The following PAN3 variants were observed in gnomAD, a reference collection of about 807,000 sequenced individuals.
The protein encoded by PAN3 is poly(A) specific ribonuclease subunit PAN3.
Under a neutral mutation model 96.2 loss-of-function variants are expected in PAN3, and 19 were observed. The ratio of observed to expected loss-of-function variants is 0.20; its 90% CI spans 0.14 to 0.29. The LOEUF (loss-of-function observed/expected upper bound fraction) is 0.29, where lower values mean the gene tolerates loss of function less well. Ranked by LOEUF, PAN3 falls within the 10% of genes least tolerant of loss-of-function variation. The pLI is 1.00. For missense variants in PAN3, 882 were observed against 1,108.1 expected, an observed-to-expected ratio of 0.80 and a Z score of 2.90; for synonymous variants, 433 against 406.6, an observed-to-expected ratio of 1.06 and a Z score of -0.78.
intron 5 of PAN3, chr13:28,214,409 C>A: frequency 5.1e-6 from 1 of 195,840 alleles, no homozygotes; most frequent in Non-Finnish European, 1.0e-5. Context: ...TTGATAGGTG[C>A]AGTGAAGTGG....
chr13:28,220,248 A>G lies in PAN3; in HGVS notation c.870A>G (p.Ala290=). Residue 290 remains alanine, a synonymous_variant, in exon 6 of 19, where the codon GCA becomes GCG. Coordinates refer to ENST00000380958, the MANE Select transcript of PAN3 (RefSeq NM_175854.8). ...TTAAATAGACACCAAATCCTACTGC[A>G]AGCGAGTTTATTCCTAAAGGAGGAT... ...ENNLQTPNPT[A]SEFIPKGGST... The G allele has an allele frequency of 6.2e-7, 1 of 1,613,114 alleles. No homozygotes were observed. Among genetic ancestry groups the G allele is most frequent in the Non-Finnish European group, 8.5e-7 (1 of 1,179,430 alleles).
At chr13:28,153,852 A>G (rs1034339276) in intron 1 of PAN3, among the ~76,000 whole-genome samples, 1 of 152,224 alleles carries the variant, frequency 6.6e-6, no homozygotes, top group Non-Finnish European at 1.5e-5. Context: ...ATGGGTTTGG[A>G]TGATCTTAAG....
intron 17 of PAN3, among the ~76,000 whole-genome samples, chr13:28,285,433 G>GC (rs1868855007): frequency 6.6e-6 from 1 of 151,986 alleles, no homozygotes; most frequent in African/African-American, 2.4e-5. Flanking sequence ...AAGCTTTTGG[G>GC]TTTTGTTTGT....
chr13:28,189,345 A>G (rs971305680), intron 4 of PAN3, among the ~76,000 whole-genome samples: 10 of 152,050 alleles, frequency 6.6e-5, no homozygotes, highest in Non-Finnish European at 1.2e-4. Context: ...GTGAAACCTC[A>G]TCTCTACTCA....
At chr13:28,283,152 G>A (rs1220341261) in intron 17 of PAN3, among the ~76,000 whole-genome samples, 5 of 151,928 alleles carry the variant, frequency 3.3e-5, no homozygotes, top group African/African-American at 9.7e-5. Context: ...AGGATCAAGC[G>A]ATTCTCCTGC....
chr13:28,282,778 G>T (rs897999361), intron 17 of PAN3, among the ~76,000 whole-genome samples: 1 of 151,952 alleles, frequency 6.6e-6, no homozygotes, highest in Non-Finnish European at 1.5e-5. Context: ...AAGCCTGCAC[G>T]TGCTTACACT....
intron 5 of PAN3, among the ~76,000 whole-genome samples, chr13:28,204,009 G>A (rs1879063758): frequency 6.6e-6 from 1 of 151,810 alleles, no homozygotes. Context: ...CACCGTGTTG[G>A]CCAGGATGGT....
At chr13:28,277,163 G>A (rs1887131599) in intron 14 of PAN3, 74 bp from the exon 15 acceptor site, 1 of 1,392,530 alleles carries the variant, frequency 7.2e-7, no homozygotes, top group East Asian at 2.4e-5. Flanking sequence ...TTTCCATTTA[G>A]GCAGTAGTGT....
chr13:28,145,970 G>C (rs1870573185), intron 1 of PAN3, among the ~76,000 whole-genome samples: 1 of 151,866 alleles, frequency 6.6e-6, no homozygotes, highest in Non-Finnish European at 1.5e-5. Context: ...GTTTCACCAT[G>C]TTGGCCAGGC....
intron 14 of PAN3, among the ~76,000 whole-genome samples, chr13:28,274,256 C>T (rs145892500): frequency 2.0e-5 from 3 of 152,268 alleles, no homozygotes; most frequent in East Asian, 3.9e-4. Context: ...TTCTTAGCTA[C>T]TTTCATTCTT....
At chr13:28,153,860 A>G (rs1218952444) in intron 1 of PAN3, among the ~76,000 whole-genome samples, 1 of 152,228 alleles carries the variant, frequency 6.6e-6, no homozygotes, top group Non-Finnish European at 1.5e-5. Flanking sequence ...GGATGATCTT[A>G]AGCTGATACT....
At chr13:28,229,276 T>C (rs1882302680) in intron 6 of PAN3, among the ~76,000 whole-genome samples, 1 of 152,232 alleles carries the variant, frequency 6.6e-6, no homozygotes, top group Non-Finnish European at 1.5e-5. Flanking sequence ...CCAAAGCAGC[T>C]GCAATAACTG....
chr13:28,200,088 C>T lies in PAN3; in HGVS notation c.852+2742C>T, dbSNP rs529432084. Among the ~76,000 whole-genome samples the T allele has an allele frequency of 3.9e-5, 6 of 152,290 alleles. No homozygotes were observed. In the South Asian group the frequency reaches 1.2e-3, roughly 32 times the overall value. ...TAAGGTTAAACAGTTAGTAGAGGAA[C>T]AGATATTTGAGTCCACTTTTGTCAG... On this transcript the variant is annotated intron_variant, in intron 5 of 18. Coordinates refer to ENST00000380958, the MANE Select transcript of PAN3 (RefSeq NM_175854.8).
intron 1 of PAN3, among the ~76,000 whole-genome samples, chr13:28,146,944 C>T (rs1870736735): frequency 6.6e-6 from 1 of 151,594 alleles, no homozygotes. Flanking sequence ...GATCGTGCCA[C>T]TGCATTCCAG....
chr13:28,155,719 A>G (rs1164732768), intron 1 of PAN3, among the ~76,000 whole-genome samples: 1 of 152,218 alleles, frequency 6.6e-6, no homozygotes. Context: ...TACACATCTC[A>G]TATATACACA....
chr13:28,202,340 C>T (rs1453797968), intron 5 of PAN3, among the ~76,000 whole-genome samples: 1 of 152,026 alleles, frequency 6.6e-6, no homozygotes, highest in Non-Finnish European at 1.5e-5. Flanking sequence ...AGTATCTTAC[C>T]CCTCTTCCCT....
intron 6 of PAN3, among the ~76,000 whole-genome samples, chr13:28,229,567 C>T (rs1882324690): frequency 6.6e-6 from 1 of 152,062 alleles, no homozygotes; most frequent in African/African-American, 2.4e-5. Flanking sequence ...TTATTCTTTC[C>T]ACTGGTCTTC....
Position 28,138,697 on chromosome 13 carries a change from G to A in PAN3, c.40G>A (p.Ala14Thr). The part of the protein sequence containing the change: ...GGGLPPPSAA[A>T]SPSSSSLAAA... ...CGGCCTCCCGCCCCCCTCGGCCGCC[G>A]CCTCCCCTTCCTCCTCCTCGCTGGC... The change falls in exon 1 of 19, where the codon GCC becomes ACC. Residue 14 changes from alanine to threonine, a missense_variant. By Grantham distance (58) the Ala-to-Thr change is moderately conservative (BLOSUM62 0). This residue lies in a region of PAN3 where 442 missense variants were observed against 422.8 expected (regional missense o/e 1.05). Transcript: ENST00000380958. The A allele has an allele frequency of 9.7e-7, 1 of 1,027,882 alleles. No individual in the cohort carries two copies. The highest frequency in any genetic ancestry group is 1.3e-6 in the Non-Finnish European group (1 of 784,160). The allele number at this position is 1,027,882 out of a possible 1,614,324, so 63.7% of individuals were successfully genotyped here. A position where few individuals can be genotyped will look rare whatever the true frequency, so the allele number is the denominator to read the frequency against.
At chr13:28,143,490 A>G (rs1470638580) in intron 1 of PAN3, among the ~76,000 whole-genome samples, 1 of 152,240 alleles carries the variant, frequency 6.6e-6, no homozygotes, top group East Asian at 1.9e-4. Context: ...TAATTTACCA[A>G]AATACACTTT....
Sources: allele counts gnomAD v4.1 joint callset (sites outside exome capture counted in the v4.1 genomes callset), GRCh38; gene constraint gnomAD v4.1.1; regional missense constraint gnomAD v4.1.1; transcripts MANE v1.5; gene names NCBI Gene and HGNC (gene_info 2026-07-23, HGNC 2026-07-21).